Variants in MUC4 observed in about 807,000 individuals in gnomAD.
MUC4 encodes mucin-4.
Under a neutral mutation model 257.9 loss-of-function variants are expected in MUC4, and 202 were observed. The ratio of observed to expected loss-of-function variants is 0.78; its 90% CI spans 0.70 to 0.88. The LOEUF (loss-of-function observed/expected upper bound fraction) is 0.88. Among genes scored for constraint, MUC4 ranks in the 40% least tolerant of loss-of-function variants. The pLI is 0.00. For missense variants in MUC4, 5,976 were observed against 6,513.7 expected (o/e 0.92, Z 2.84); for synonymous variants, 2,351 against 2,757.1 (o/e 0.85, Z 4.62).
chr3:195,767,778 T>TTGC (rs1721570979), intron 7 of MUC4, among the ~76,000 whole-genome samples: 1 of 52,658 alleles, frequency 1.9e-5, no homozygotes, highest in African/African-American at 7.9e-5. Context: ...ACCACCACCA[T>TTGC]CACCACCATC....
chr3:195,752,504 A>G, intron 20 of MUC4, 58 bp from the exon 21 acceptor site: 2 of 1,507,408 alleles, frequency 1.3e-6, no homozygotes, highest in South Asian at 2.3e-5. Context: ...ACTTACCCAA[A>G]AAGTCTGTCG....
intron 24 of MUC4, among the ~76,000 whole-genome samples, chr3:195,748,001 GGA>G (rs1184671360): frequency 8.3e-5 from 7 of 84,784 alleles, no homozygotes; most frequent in Non-Finnish European, 1.8e-4. Context: ...CCGCCCACCC[GGA>G]GAGCCGGGCC....
At chr3:195,768,037 G>A (rs556393529) in intron 7 of MUC4, among the ~76,000 whole-genome samples, 2 of 152,054 alleles carry the variant, frequency 1.3e-5, no homozygotes, top group South Asian at 2.1e-4. Context: ...TGGAGCAGCC[G>A]CCTGCAGCCC....
In MUC4 at chr3:195,781,177, C is replaced by T. The variant is rs1727648416; in HGVS notation, c.10403G>A (p.Gly3468Asp). 4 of 1,495,208 alleles carry T rather than the reference C, an allele frequency of 2.7e-6. No homozygotes were observed. The highest frequency in any genetic ancestry group is 1.5e-5 in the African/African-American group (1 of 65,032). The allele number at this position is 1,495,208 out of a possible 1,614,324, so 92.6% of individuals were successfully genotyped here. A position where few individuals can be genotyped will look rare whatever the true frequency, so the allele number is the denominator to read the frequency against. ...GGTGACAGGAAGAGGGGTGGTGTCA[C>T]CTGTGGATGCTGAGGAAGTGTCGGT... Reference protein sequence around the residue: ...PVTDTSSASTGDTTPLPVTSP... With the variant: ...PVTDTSSASTDDTTPLPVTSP... Residue 3468 changes from glycine to aspartate, a missense_variant, in exon 2 of 25, where the codon GGT (glycine) becomes GAT (aspartate). Physicochemically the swap from Gly to Asp is moderately conservative, Grantham distance 94 (BLOSUM62 -1). This residue lies in a region of MUC4 where 297 missense variants were observed against 240.9 expected (regional missense o/e 1.23). Transcript: ENST00000463781.
intron 1 of MUC4, among the ~76,000 whole-genome samples, chr3:195,794,389 GA>G (rs1560409516): frequency 4.0e-5 from 6 of 148,382 alleles, no homozygotes; most frequent in Non-Finnish European, 7.4e-5. Flanking sequence ...GAGAGAGAGA[GA>G]GAAGAAAGAG....
intron 10 of MUC4, 106 bp downstream of exon 10, chr3:195,764,891 G>A: frequency 6.8e-7 from 1 of 1,460,450 alleles, no homozygotes; most frequent in Non-Finnish European, 9.4e-7. Flanking sequence ...AGGAAGTGGA[G>A]GCCCAGAGAG....
intron 24 of MUC4, among the ~76,000 whole-genome samples, chr3:195,747,996 C>A (rs1420090067): frequency 1.3e-5 from 2 of 152,020 alleles, no homozygotes; most frequent in African/African-American, 4.8e-5. Context: ...CCGCCCCGCC[C>A]ACCCGGAGAG....
chr3:195,807,341 G>A (rs982234558), intron 1 of MUC4, among the ~76,000 whole-genome samples: 2 of 152,078 alleles, frequency 1.3e-5, no homozygotes, highest in African/African-American at 4.8e-5. Flanking sequence ...GGTGTTGGGC[G>A]TCTATAATCC....
intron 1 of MUC4, among the ~76,000 whole-genome samples, chr3:195,800,507 C>T (rs1479761362): frequency 6.6e-6 from 1 of 152,178 alleles, no homozygotes; most frequent in Admixed American, 6.5e-5. Flanking sequence ...AAGAGATTAG[C>T]ATTCGTTACG....
chr3:195,761,412 C>T, intron 15 of MUC4, 72 bp downstream of exon 15: 2 of 1,314,688 alleles, frequency 1.5e-6, no homozygotes, highest in Non-Finnish European at 2.2e-6. Flanking sequence ...TCCTACAGGG[C>T]CGAGGGGGAC....
intron 10 of MUC4, among the ~76,000 whole-genome samples, chr3:195,764,672 TG>T: frequency 6.6e-6 from 1 of 152,002 alleles, no homozygotes; most frequent in Non-Finnish European, 1.5e-5. Flanking sequence ...CTGTGGGAGC[TG>T]ACTCTCAGTC....
chr3:195,811,288 C>G (rs58842102), intron 1 of MUC4, among the ~76,000 whole-genome samples: 7,963 of 151,926 alleles, frequency 0.052, 725 homozygotes, highest in African/African-American at 0.18. Flanking sequence ...ATTCTCCTGC[C>G]TCAGACTCCT....
At position 195,785,390 on chromosome 3, in the gene MUC4, G is replaced by T; in HGVS notation, c.6190C>A (p.Pro2064Thr). 6.6e-7 allele frequency: 1 copy of T among 1,510,308 alleles called. No individual in the cohort carries two copies. Among genetic ancestry groups the T allele is most frequent in the Non-Finnish European group, 8.9e-7 (1 of 1,121,452 alleles). The allele number at this position is 1,510,308 out of a possible 1,614,324, so 93.6% of individuals were successfully genotyped here. A position where few individuals can be genotyped will look rare whatever the true frequency, so the allele number is the denominator to read the frequency against. Residue 2064 changes from proline to threonine, a missense_variant, in exon 2 of 25, where the codon CCT becomes ACT. By Grantham distance (38) the Pro-to-Thr change is conservative. Coordinates refer to ENST00000463781, the MANE Select transcript of MUC4 (RefSeq NM_018406.7). ...GAGGAAGGGTTAGTGACAGGAAGAGGCGTGGTGTCACCTGTGGATACTGAG... is the reference window on the plus strand; with the variant it reads ...GAGGAAGGGTTAGTGACAGGAAGAGTCGTGGTGTCACCTGTGGATACTGAG... ...LSSVSTGDTTPLPVTNPSSAS... is the reference protein window; with the variant it reads ...LSSVSTGDTTTLPVTNPSSAS...
At chr3:195,748,773 T>A in intron 24 of MUC4, 129 bp downstream of exon 24, 1 of 1,270,654 alleles carries the variant, frequency 7.9e-7, no homozygotes, top group Middle Eastern at 2.8e-4. Flanking sequence ...CAACTCTCCT[T>A]TTCCACTGTC....
chr3:195,806,826 C>T (rs932665332), intron 1 of MUC4, among the ~76,000 whole-genome samples: 5 of 152,176 alleles, frequency 3.3e-5, no homozygotes, highest in South Asian at 4.1e-4. Flanking sequence ...GGAACTGTGA[C>T]GCATTCATCT....
intron 19 of MUC4, chr3:195,753,854 C>T: frequency 3.8e-6 from 1 of 262,224 alleles, no homozygotes. Flanking sequence ...GAGGACCCAG[C>T]TTGCCCGGTT....
chr3:195,796,357 A>G (rs1187036767), intron 1 of MUC4, among the ~76,000 whole-genome samples: 1 of 152,164 alleles, frequency 6.6e-6, no homozygotes, highest in Non-Finnish European at 1.5e-5. Flanking sequence ...TGCTGGGATT[A>G]CAGGCATGAG....
chr3:195,753,541 C>T (rs1716901168), intron 19 of MUC4: 1 of 473,522 alleles, frequency 2.1e-6, no homozygotes, highest in African/African-American at 2.1e-5. Flanking sequence ...CCTCCCCTCT[C>T]ACGTCCATCT....
chr3:195,795,064 A>G, intron 1 of MUC4, among the ~76,000 whole-genome samples: 1 of 152,224 alleles, frequency 6.6e-6, no homozygotes, highest in East Asian at 1.9e-4. Flanking sequence ...TAGGACTCTA[A>G]ACTCGATGCC....
Sources: allele counts gnomAD v4.1 joint callset (sites outside exome capture counted in the v4.1 genomes callset), GRCh38; gene constraint gnomAD v4.1.1; regional missense constraint gnomAD v4.1.1; transcripts MANE v1.5; gene names NCBI Gene and HGNC (gene_info 2026-07-23, HGNC 2026-07-21).